KIRREL3: variants seen among roughly 807,000 people sequenced by gnomAD.
KIRREL3 encodes the protein kin of IRRE-like protein 3.
Under a neutral mutation model 89.7 loss-of-function variants are expected in KIRREL3, and 36 were observed. That is an observed-to-expected ratio of 0.40 (90% CI 0.31 to 0.53). The LOEUF is 0.53. KIRREL3 is among the 20% of genes least tolerant of loss of function. The pLI, the probability that KIRREL3 is intolerant of heterozygous loss-of-function variation, is 0.49. For synonymous variants in KIRREL3, 445 were observed against 441.4 expected, an observed-to-expected ratio of 1.01 and a Z score of -0.10; for missense variants, 864 against 1,056.6, an observed-to-expected ratio of 0.82 and a Z score of 2.53.
intron 1 of KIRREL3, among the ~76,000 whole-genome samples, chr11:126,749,417 G>C (rs994831499): frequency 6.6e-6 from 1 of 151,994 alleles, no homozygotes; most frequent in Non-Finnish European, 1.5e-5. Flanking sequence ...CCCATTCCTC[G>C]GTGCTCAATC....
Position 126,724,751 on chromosome 11 carries a change from A to G in KIRREL3, c.56-161839T>C, listed in dbSNP as rs997251744. Among the ~76,000 whole-genome samples the G allele has an allele frequency of 3.9e-5, 6 of 152,216 alleles. No individual in the cohort carries two copies. Among genetic ancestry groups the G allele is most frequent in the Non-Finnish European group, 8.8e-5 (6 of 68,030 alleles). On this transcript the variant is annotated intron_variant, in intron 1 of 16. Transcript: ENST00000525144. This position sits in a 1 kb window ranked among gnomAD's most constrained non-coding sequence, Gnocchi z 4.3. ...CAAGACTGAGACCTGCTTATGGGCC[A>G]AGGGTTCTTAGTATTAGATAAGAGT...
rs945204956 is a variant in KIRREL3, at chr11:126,664,387, G to C, written c.56-101475C>G. Among the ~76,000 whole-genome samples, 3 of 152,142 alleles carry C rather than the reference G, an allele frequency of 2.0e-5. No individual in the cohort carries two copies. The highest frequency in any genetic ancestry group is 7.2e-5 in the African/African-American group (3 of 41,432). On this transcript the variant is annotated intron_variant, in intron 1 of 16. Transcript: ENST00000525144. The surrounding 1 kb of genome is among the most constrained non-coding windows in gnomAD (Gnocchi z 5.4). Reference sequence around the variant, plus strand: ...GAGCAGGCACGCAGAGGCAGAGAGTGAAGTCTAGTGAGACCACACGGACAT... The same window carrying C: ...GAGCAGGCACGCAGAGGCAGAGAGTCAAGTCTAGTGAGACCACACGGACAT...
At position 126,571,162 on chromosome 11, in the gene KIRREL3, G is replaced by A. The variant is rs1940900728; in HGVS notation, c.56-8250C>T. Among the ~76,000 whole-genome samples, 1 of 152,160 alleles carries A rather than the reference G, an allele frequency of 6.6e-6. No individual in the cohort carries two copies. Among genetic ancestry groups the A allele is most frequent in the South Asian group, 2.1e-4 (1 of 4,822 alleles). ...GACTCCCAACCAATTCGGAGTCTCA[G>A]CCCTTTGGGCTGGCTTTTTGATACC... On this transcript the variant is annotated intron_variant, in intron 1 of 16. Transcript: ENST00000525144. The surrounding 1 kb of genome is among the most constrained non-coding windows in gnomAD (Gnocchi z 7.7).
At chr11:126,730,061 G>C (rs74736343) in intron 1 of KIRREL3, among the ~76,000 whole-genome samples, 2,127 of 152,076 alleles carry the variant, frequency 0.014, 51 homozygotes, top group African/African-American at 0.049. Flanking sequence ...TCTCATTCCT[G>C]TCCCCAGCCA....
At chr11:126,735,541 G>A (rs985423741) in intron 1 of KIRREL3, among the ~76,000 whole-genome samples, 3 of 152,196 alleles carry the variant, frequency 2.0e-5, no homozygotes, top group Admixed American at 2.0e-4. Context: ...CCCAGACCAG[G>A]GATATGATCT....
intron 1 of KIRREL3, among the ~76,000 whole-genome samples, chr11:126,873,881 G>A (rs1300545455): frequency 6.6e-6 from 1 of 152,224 alleles, no homozygotes; most frequent in African/African-American, 2.4e-5. Flanking sequence ...CAAGATTAAT[G>A]CAATCAGCAG....
At position 126,652,402 on chromosome 11, in the gene KIRREL3, G is replaced by T. The variant is rs1167944062; in HGVS notation, c.56-89490C>A. 1.3e-5 allele frequency among the ~76,000 whole-genome samples: 2 copies of T among 152,182 alleles called. No individual in the cohort carries two copies. The highest frequency in any genetic ancestry group is 2.4e-5 in the African/African-American group (1 of 41,444). On this transcript the variant is annotated intron_variant, in intron 1 of 16. Coordinates refer to ENST00000525144, the MANE Select transcript of KIRREL3 (RefSeq NM_032531.4). This position sits in a 1 kb window ranked among gnomAD's most constrained non-coding sequence, Gnocchi z 4.9. ...CTGCCTAGGGAGTCTATCGTGGTAGGAACAAGAGCTACCATGCCTTGAGCC... is the reference window on the plus strand; with the variant it reads ...CTGCCTAGGGAGTCTATCGTGGTAGTAACAAGAGCTACCATGCCTTGAGCC...
chr11:126,895,532 G>A (rs1019306842), intron 1 of KIRREL3, among the ~76,000 whole-genome samples: 3 of 151,672 alleles, frequency 2.0e-5, no homozygotes, highest in African/African-American at 7.3e-5. Context: ...GAGATGAAAG[G>A]AAGAAAGGAA....
At chr11:126,794,926 G>A (rs1950757886) in intron 1 of KIRREL3, among the ~76,000 whole-genome samples, 2 of 152,178 alleles carry the variant, frequency 1.3e-5, no homozygotes, top group Non-Finnish European at 2.9e-5. Context: ...AAGAAATGAG[G>A]TATCAAGCCA....
At position 126,802,778 on chromosome 11, in the gene KIRREL3, C is replaced by A. The variant is rs1266331255; in HGVS notation, c.55+197677G>T. 1.3e-5 allele frequency among the ~76,000 whole-genome samples: 2 copies of A among 152,192 alleles called. No homozygotes were observed. The highest frequency in any genetic ancestry group is 4.8e-5 in the African/African-American group (2 of 41,448). On this transcript the variant is annotated intron_variant, in intron 1 of 16. Coordinates refer to ENST00000525144, the MANE Select transcript of KIRREL3 (RefSeq NM_032531.4). The surrounding 1 kb of genome is among the most constrained non-coding windows in gnomAD (Gnocchi z 5.2). The stretch of plus-strand genomic sequence containing the variant: ...TATAGATCTTTTTCAAAATGCTTAA[C>A]ATTACGAGTATTTTGGTCTTTGTTT...
chr11:126,861,589 T>TA (rs886214115), intron 1 of KIRREL3, among the ~76,000 whole-genome samples: 2 of 152,076 alleles, frequency 1.3e-5, no homozygotes, highest in African/African-American at 2.4e-5. Context: ...ATGACCAATA[T>TA]AAAAAATTCA....
chr11:126,948,977 G>A lies in KIRREL3; in HGVS notation c.55+51478C>T, dbSNP rs957754623. Among the ~76,000 whole-genome samples, 1 of 152,142 alleles carries A rather than the reference G, an allele frequency of 6.6e-6. No homozygotes were observed. The highest frequency in any genetic ancestry group is 1.5e-5 in the Non-Finnish European group (1 of 68,024). On this transcript the variant is annotated intron_variant, in intron 1 of 16. Transcript: ENST00000525144. This position sits in a 1 kb window ranked among gnomAD's most constrained non-coding sequence, Gnocchi z 4.5. ...ATGCACTGCTCCAGGAAAAGCACCA[G>A]GCACAGAGCAAGTGTTTAAAATGTT...
In KIRREL3 at chr11:126,682,966, C is replaced by T. The variant is rs138675423; in HGVS notation, c.56-120054G>A. On this transcript the variant is annotated intron_variant, in intron 1 of 16. Coordinates refer to ENST00000525144, the MANE Select transcript of KIRREL3 (RefSeq NM_032531.4). This position sits in a 1 kb window ranked among gnomAD's most constrained non-coding sequence, Gnocchi z 4.8. ...ACCTCCTGGGCTCAAGCAATCCTCG[C>T]ACCTCAGCCTCCCAAGTAGCTAGGA... Among the ~76,000 whole-genome samples, 31 of 152,240 alleles carry T rather than the reference C, an allele frequency of 2.0e-4. No individual in the cohort carries two copies. The South Asian group carries it at 6.2e-3, about 31-fold the overall frequency.
rs1388742689 is a variant in KIRREL3, at chr11:126,656,469, A to G, written c.56-93557T>C. Among the ~76,000 whole-genome samples, 2 of 152,210 alleles carry G rather than the reference A, an allele frequency of 1.3e-5. No individual in the cohort carries two copies. Among genetic ancestry groups the G allele is most frequent in the African/African-American group, 2.4e-5 (1 of 41,458 alleles). On this transcript the variant is annotated intron_variant, in intron 1 of 16. Transcript: ENST00000525144. This position sits in a 1 kb window ranked among gnomAD's most constrained non-coding sequence, Gnocchi z 4.0. The stretch of plus-strand genomic sequence containing the variant: ...AACCTTTCACCTTAAGTAGATTTTT[A>G]TAAAATGAGACTTCACGTGGAATCT...
Position 126,900,699 on chromosome 11 carries a change from T to A in KIRREL3, c.55+99756A>T, listed in dbSNP as rs1209622015. Among the ~76,000 whole-genome samples the A allele has an allele frequency of 6.6e-6, 1 of 152,220 alleles. No homozygotes were observed. The highest frequency in any genetic ancestry group is 1.5e-5 in the Non-Finnish European group (1 of 68,042). On this transcript the variant is annotated intron_variant, in intron 1 of 16. Coordinates refer to ENST00000525144, the MANE Select transcript of KIRREL3 (RefSeq NM_032531.4). This position sits in a 1 kb window ranked among gnomAD's most constrained non-coding sequence, Gnocchi z 4.4. ...TAAAGTATAATATGCCGTGATCTTG[T>A]TAAAATCTTTCCTGTAATGATATTT... is the stretch of plus-strand genomic sequence containing the variant.
chr11:126,737,742 G>A (rs1948852969), intron 1 of KIRREL3, among the ~76,000 whole-genome samples: 1 of 152,022 alleles, frequency 6.6e-6, no homozygotes, highest in African/African-American at 2.4e-5. Flanking sequence ...ATTATTATAG[G>A]CACCTAATAG....
At chr11:126,864,961 C>T (rs1033298667) in intron 1 of KIRREL3, among the ~76,000 whole-genome samples, 6 of 152,146 alleles carry the variant, frequency 3.9e-5, no homozygotes, top group African/African-American at 1.2e-4. Context: ...GTTCATGATT[C>T]CATGGCCGGA....
Position 126,685,789 on chromosome 11 carries a change from C to G in KIRREL3, c.56-122877G>C, listed in dbSNP as rs1946641373. 6.6e-6 allele frequency among the ~76,000 whole-genome samples: 1 copy of G among 152,242 alleles called. No homozygotes were observed. Among genetic ancestry groups the G allele is most frequent in the Non-Finnish European group, 1.5e-5 (1 of 68,040 alleles). ...TGGCCATTCAGAGCTGTTGCCCTCA[C>G]AGCATTCAGTGATGTTTGCCAGAGT... On this transcript the variant is annotated intron_variant, in intron 1 of 16. Transcript: ENST00000525144. The surrounding 1 kb of genome is among the most constrained non-coding windows in gnomAD (Gnocchi z 5.5).
intron 10 of KIRREL3, among the ~76,000 whole-genome samples, chr11:126,444,711 T>A (rs980021689): frequency 2.0e-5 from 3 of 152,142 alleles, no homozygotes; most frequent in African/African-American, 7.2e-5. Context: ...CAGGATAAAA[T>A]TCATCACCCA....
Sources: allele counts gnomAD v4.1 joint callset (sites outside exome capture counted in the v4.1 genomes callset), GRCh38; gene constraint gnomAD v4.1.1; non-coding constraint Gnocchi (gnomAD v3.1); transcripts MANE v1.5; gene names NCBI Gene and HGNC (gene_info 2026-07-23, HGNC 2026-07-21).